Variants in RAI14 observed in about 807,000 individuals in gnomAD.
The protein encoded by RAI14 is ankycorbin.
RAI14 carries 45 observed loss-of-function variants against 115.4 expected under a neutral mutation model. The observed-to-expected ratio is 0.39, with a 90% CI of 0.31 to 0.50. RAI14 has a LOEUF of 0.50. Ranked by LOEUF, RAI14 falls within the 20% of genes least tolerant of loss-of-function variation. The probability of loss-of-function intolerance (pLI) is 0.85; values close to 1 mark genes in which losing one functional copy is unlikely to be tolerated. For synonymous variants in RAI14, 371 were observed against 415.4 expected (o/e 0.89, Z 1.30); for missense variants, 939 against 1,131.2 (o/e 0.83, Z 2.44).
At chr5:34,674,316 A>G (rs1473202361) in intron 1 of RAI14, among the ~76,000 whole-genome samples, 1 of 152,192 alleles carries the variant, frequency 6.6e-6, no homozygotes, top group Non-Finnish European at 1.5e-5. Flanking sequence ...AAAGAGATTC[A>G]CAAGCCAAGT....
At chr5:34,695,736 A>C (rs959632796) in intron 2 of RAI14, among the ~76,000 whole-genome samples, 1 of 151,892 alleles carries the variant, frequency 6.6e-6, no homozygotes, top group African/African-American at 2.4e-5. Context: ...AAATCACATA[A>C]GTCTTTGGAC....
chr5:34,688,808 TAATC>T (rs1356231095), intron 2 of RAI14, among the ~76,000 whole-genome samples: 2 of 152,218 alleles, frequency 1.3e-5, no homozygotes, highest in Non-Finnish European at 2.9e-5. Context: ...CCTAGTTTGT[TAATC>T]AACCATATGA....
chr5:34,765,252 G>A (rs1308751460), intron 3 of RAI14, among the ~76,000 whole-genome samples: 2 of 152,226 alleles, frequency 1.3e-5, no homozygotes, highest in African/African-American at 4.8e-5. Context: ...ACATGAAAAT[G>A]TGGAAGTGAC....
At chr5:34,728,756 A>C (rs959523232) in intron 2 of RAI14, 6 of 138,282 alleles carry the variant, frequency 4.3e-5, no homozygotes, top group Admixed American at 1.4e-4. Context: ...CTGTTTCTAC[A>C]AAAAAAAAAA....
intron 3 of RAI14, among the ~76,000 whole-genome samples, chr5:34,769,135 GT>G (rs966338049): frequency 6.0e-5 from 9 of 151,260 alleles, no homozygotes; most frequent in South Asian, 4.2e-4. Context: ...TAGTAATCCT[GT>G]TTTTTTTTAT....
chr5:34,786,314 C>T (rs1299780782), intron 3 of RAI14, among the ~76,000 whole-genome samples: 2 of 152,184 alleles, frequency 1.3e-5, no homozygotes, highest in East Asian at 1.9e-4. Flanking sequence ...TGAGAGCAGT[C>T]GCTCAAGGTG....
chr5:34,741,905 T>C (rs2150048646), intron 2 of RAI14, among the ~76,000 whole-genome samples: 1 of 152,264 alleles, frequency 6.6e-6, no homozygotes, highest in South Asian at 2.1e-4. Flanking sequence ...ACCTCTTCCA[T>C]GGTTTTATGA....
rs1554037608 is a variant in RAI14 at position 34,665,159 on chromosome 5, GTATA to G, written c.-49+8695_-49+8698del. 6.3e-3 allele frequency among the ~76,000 whole-genome samples: 87 copies of G among 13,792 alleles called. 37 individuals are homozygous for G. Among genetic ancestry groups the G allele is most frequent in the Non-Finnish European group, 9.1e-3 (59 of 6,514 alleles). 9.0% of individuals were successfully genotyped at this position (13,792 alleles called of 152,430 possible). A position where few individuals can be genotyped will look rare whatever the true frequency, so the allele number is the denominator to read the frequency against. ...TATATATACACATATATATGTGTGT[GTATA>G]TATATATATACACACATATATATAT... On this transcript the variant is annotated intron_variant, in intron 1 of 17. Coordinates refer to ENST00000265109, the MANE Select transcript of RAI14 (RefSeq NM_015577.3).
In RAI14 at chr5:34,814,624, A is replaced by G. The variant is rs1438289487; in HGVS notation, c.894A>G (p.Pro298=). 1 of 1,613,594 alleles carries G rather than the reference A, an allele frequency of 6.2e-7. No homozygotes were observed. The highest frequency in any genetic ancestry group is 2.2e-5 in the East Asian group (1 of 44,830). The change falls in exon 12 of 18, where the codon CCA becomes CCG. Residue 298 remains proline, a synonymous_variant. Transcript: ENST00000265109. ...CCCCAAGATCAATAACTTCGACTCC[A>G]CTATCGGGAAAGGAATCGGTATTTT... ...VSSPRSITST[P]LSGKESVFFA...
At chr5:34,669,167 C>A (rs1172219733) in intron 1 of RAI14, among the ~76,000 whole-genome samples, 1 of 152,198 alleles carries the variant, frequency 6.6e-6, no homozygotes, top group Middle Eastern at 3.2e-3. Flanking sequence ...TAATTAGGTT[C>A]TTTCTGTGCT....
At chr5:34,744,573 C>T (rs1026883188) in intron 2 of RAI14, among the ~76,000 whole-genome samples, 8 of 152,068 alleles carry the variant, frequency 5.3e-5, no homozygotes, top group East Asian at 1.9e-4. Flanking sequence ...TGGGCATATG[C>T]GGGAGGCAGG....
chr5:34,789,037 C>T (rs2150185858), intron 3 of RAI14, among the ~76,000 whole-genome samples: 1 of 152,254 alleles, frequency 6.6e-6, no homozygotes, highest in East Asian at 1.9e-4. Context: ...GGCCCCCTAC[C>T]CCATCCTAAT....
chr5:34,716,056 A>T (rs1423336567), intron 2 of RAI14: 2 of 452,376 alleles, frequency 4.4e-6, no homozygotes, highest in Non-Finnish European at 8.9e-6. Context: ...GTCCTCTAGG[A>T]ATTTGAAATC....
chr5:34,789,587 C>T (rs1406821245), intron 3 of RAI14, among the ~76,000 whole-genome samples: 2 of 152,078 alleles, frequency 1.3e-5, no homozygotes, highest in African/African-American at 2.4e-5. Flanking sequence ...ATAGCTTTTG[C>T]CCCTCCTTTC....
chr5:34,824,050 G>T lies in RAI14; in HGVS notation c.2208G>T (p.Val736=). 6.2e-7 allele frequency: 1 copy of T among 1,614,120 alleles called. No individual in the cohort carries two copies. Among genetic ancestry groups the T allele is most frequent in the Non-Finnish European group, 8.5e-7 (1 of 1,180,000 alleles). The change falls in exon 15 of 18, where the codon GTG becomes GTT. Residue 736 remains valine, a synonymous_variant. Transcript: ENST00000265109. The part of the protein sequence containing the change: ...NSVSITEHLQ[V]ITTLRTAAKE... ...TCTCTATCACAGAACATTTGCAAGT[G>T]ATAACCACGCTGCGGACTGCAGCAA...
At chr5:34,673,024 A>G (rs930461510) in intron 1 of RAI14, among the ~76,000 whole-genome samples, 17 of 152,158 alleles carry the variant, frequency 1.1e-4, no homozygotes, top group Non-Finnish European at 2.2e-4. Flanking sequence ...GATAGGGTCC[A>G]ATGCTATTTC....
In RAI14 at chr5:34,830,787, C is replaced by T. The variant is rs774365527; in HGVS notation, c.*22C>T. ...GTAAAGTGGATTCCTTGGCAGGACA[C>T]TGCCCCTTGTCATCTGTCTTTGTGT... On this transcript the variant is annotated 3_prime_UTR_variant, in exon 18 of 18. Coordinates refer to ENST00000265109, the MANE Select transcript of RAI14 (RefSeq NM_015577.3). The T allele has an allele frequency of 6.2e-7, 1 of 1,613,610 alleles. No individual in the cohort carries two copies.
At chr5:34,677,405 C>A (rs563250300) in intron 1 of RAI14, among the ~76,000 whole-genome samples, 51 of 152,168 alleles carry the variant, frequency 3.4e-4, no homozygotes, top group Admixed American at 8.5e-4. Flanking sequence ...CCCGCCTTGC[C>A]CTTCCAAAGT....
chr5:34,749,397 C>T (rs1746703104), intron 2 of RAI14, among the ~76,000 whole-genome samples: 1 of 152,232 alleles, frequency 6.6e-6, no homozygotes, highest in Admixed American at 6.5e-5. Flanking sequence ...CTCAGAACCT[C>T]TTGACTAGCC....
Sources: gnomAD v4.1 joint callset for allele counts (sites outside exome capture counted in the v4.1 genomes callset) on GRCh38, gnomAD v4.1.1 for gene constraint, MANE v1.5 for transcripts, NCBI Gene and HGNC (gene_info 2026-07-23, HGNC 2026-07-21) for gene names.